MIB1: variants seen among roughly 807,000 people sequenced by gnomAD.
The protein encoded by MIB1 is E3 ubiquitin-protein ligase MIB1.
In MIB1, 278 loss-of-function variants were observed where a neutral mutation model predicts 124.5. That is an observed-to-expected ratio of 2.23 (90% CI 2.02 to 2.47). The LOEUF is 2.47. Ranked by LOEUF, MIB1 falls within the 30% of genes most tolerant of loss-of-function variation. The pLI, the probability that MIB1 is intolerant of heterozygous loss-of-function variation, is 0.00. For missense variants in MIB1, 957 were observed against 1,254.4 expected, an observed-to-expected ratio of 0.76 and a Z score of 3.58; for synonymous variants, 446 against 429.4, an observed-to-expected ratio of 1.04 and a Z score of -0.48.
At chr18:21,855,806 AC>A (rs2042221038) in intron 18 of MIB1, among the ~76,000 whole-genome samples, 2 of 152,242 alleles carry the variant, frequency 1.3e-5, no homozygotes, top group African/African-American at 4.8e-5. Context: ...TTTGAAATGA[AC>A]AAGACACTTG....
rs542785033 is a variant in MIB1, at chr18:21,733,245, G to T, written n.167+28122G>T. ...TTGGCACCCATTCAGTAGAGAGTTT[G>T]CTTGATTTTAATTTTTCAGTGGAAT... On this transcript the variant is annotated intron_variant and non_coding_transcript_variant, in intron 1 of 20. Transcript: ENST00000578646. Among the ~76,000 whole-genome samples, 5 of 152,274 alleles carry T rather than the reference G, an allele frequency of 3.3e-5. No homozygotes were observed. In the East Asian group the frequency reaches 9.6e-4, roughly 29 times the overall value.
rs2040850337 is a variant in MIB1 at position 21,741,514 on chromosome 18, C to T, written c.-70C>T. 3 of 1,197,560 alleles carry T rather than the reference C, an allele frequency of 2.5e-6. No individual in the cohort carries two copies. Among genetic ancestry groups the T allele is most frequent in the Non-Finnish European group, 3.2e-6 (3 of 938,054 alleles). 74.2% of individuals were successfully genotyped at this position (1,197,560 alleles called of 1,614,324 possible). On this transcript the variant is annotated 5_prime_UTR_variant, in exon 1 of 21. Transcript: ENST00000261537. This position sits in a 1 kb window ranked among gnomAD's most constrained non-coding sequence, Gnocchi z 5.4. ...CTAGAGTCCGGCCCGGGCCCAACTCCCTCACGGGCCCCCCGGCGGCAGCGG... is the reference window on the plus strand; with the variant it reads ...CTAGAGTCCGGCCCGGGCCCAACTCTCTCACGGGCCCCCCGGCGGCAGCGG...
intron 6 of MIB1, among the ~76,000 whole-genome samples, chr18:21,785,431 T>C (rs189355045): frequency 6.6e-6 from 1 of 152,324 alleles, no homozygotes; most frequent in African/African-American, 2.4e-5. Flanking sequence ...ATTATAGATA[T>C]AACAAGTTAT....
chr18:21,821,385 T>G (rs931591805), intron 12 of MIB1, among the ~76,000 whole-genome samples: 7 of 152,240 alleles, frequency 4.6e-5, no homozygotes, highest in Admixed American at 3.9e-4. Flanking sequence ...GCTAATCCAA[T>G]CCCTCAGCCC....
chr18:21,819,033 T>C (rs960770712), intron 11 of MIB1, among the ~76,000 whole-genome samples: 1 of 152,146 alleles, frequency 6.6e-6, no homozygotes, highest in African/African-American at 2.4e-5. Context: ...TTCTTGCCTG[T>C]ATTTTTGTTT....
intron 12 of MIB1, among the ~76,000 whole-genome samples, chr18:21,821,632 T>C (rs1164232753): frequency 2.0e-5 from 3 of 150,994 alleles, no homozygotes; most frequent in Non-Finnish European, 4.4e-5. Flanking sequence ...AGAGTCTTGC[T>C]CTGTCACCCA....
At chr18:21,772,012 T>A (rs1598602643) in intron 3 of MIB1, among the ~76,000 whole-genome samples, 1 of 152,140 alleles carries the variant, frequency 6.6e-6, no homozygotes, top group South Asian at 2.1e-4. Flanking sequence ...ACATATGCTG[T>A]ATTTTATAAT....
At chr18:21,839,098 C>A (rs1293480083) in intron 13 of MIB1, among the ~76,000 whole-genome samples, 1 of 152,080 alleles carries the variant, frequency 6.6e-6, no homozygotes, top group Non-Finnish European at 1.5e-5. Context: ...AAGCATAAAC[C>A]ATATAGATGC....
chr18:21,767,672 C>T (rs1202300656), intron 2 of MIB1, among the ~76,000 whole-genome samples: 1 of 152,034 alleles, frequency 6.6e-6, no homozygotes, highest in African/African-American at 2.4e-5. Context: ...CTCAGCCTCC[C>T]GAGTAGCTGG....
chr18:21,789,979 C>T (rs2041483556), intron 6 of MIB1, among the ~76,000 whole-genome samples: 1 of 152,114 alleles, frequency 6.6e-6, no homozygotes, highest in East Asian at 1.9e-4. Context: ...TGTGGTACAT[C>T]TATTTGATGG....
chr18:21,811,527 C>G (rs1016543038), intron 10 of MIB1, among the ~76,000 whole-genome samples: 8 of 152,028 alleles, frequency 5.3e-5, no homozygotes, highest in Non-Finnish European at 1.0e-4. Context: ...AATGGTAGAT[C>G]ATTAAACTTA....
chr18:21,816,162 A>G (rs1381968625), intron 11 of MIB1, among the ~76,000 whole-genome samples: 2 of 152,186 alleles, frequency 1.3e-5, no homozygotes, highest in Non-Finnish European at 2.9e-5. Context: ...ATAACTATTT[A>G]AATTATTTTA....
chr18:21,811,757 G>C (rs750199310), intron 10 of MIB1, among the ~76,000 whole-genome samples: 2 of 152,226 alleles, frequency 1.3e-5, no homozygotes, highest in Non-Finnish European at 2.9e-5. Flanking sequence ...AATGGGTATA[G>C]AGTTTCACTT....
chr18:21,773,648 G>A lies in MIB1; in HGVS notation c.556G>A (p.Ala186Thr). ...GKVTEIQDWS[A>T]SSPHSAAYVL... is the part of the protein sequence containing the mutation. ...GGTAACAGAAATCCAGGACTGGAGTGCATCAAGCCCACATAGCGCAGCATA... is the reference window on the plus strand; with the variant it reads ...GGTAACAGAAATCCAGGACTGGAGTACATCAAGCCCACATAGCGCAGCATA... The change falls in exon 4 of 21, where the codon GCA becomes ACA. Residue 186 changes from alanine to threonine, a missense_variant. Transcript: ENST00000261537. 1 of 1,609,734 alleles carries A rather than the reference G, an allele frequency of 6.2e-7. No individual in the cohort carries two copies. The highest frequency in any genetic ancestry group is 1.1e-5 in the South Asian group (1 of 89,976).
intron 11 of MIB1, chr18:21,817,783 A>C: frequency 2.8e-6 from 1 of 362,150 alleles, no homozygotes; most frequent in Non-Finnish European, 5.5e-6. Flanking sequence ...GCTTCTCAGA[A>C]TCCTGTGGAC....
chr18:21,812,022 C>T (rs1411237904), intron 10 of MIB1, among the ~76,000 whole-genome samples: 3 of 152,046 alleles, frequency 2.0e-5, no homozygotes, highest in Non-Finnish European at 4.4e-5. Flanking sequence ...ACAGTCATAG[C>T]CCCCAAGAAG....
rs867916579 is a variant in MIB1 at position 21,805,002 on chromosome 18, G to A, written c.1479+988G>A. Among the ~76,000 whole-genome samples the A allele has an allele frequency of 7.9e-5, 12 of 152,080 alleles. No individual in the cohort carries two copies. In the South Asian group the frequency reaches 1.9e-3, roughly 24 times the overall value. ...ATTTTCTGCTGCCTAGAAATAACTT[G>A]AAATTAATTAATTAATTAATTAATT... On this transcript the variant is annotated intron_variant, in intron 10 of 20. Coordinates refer to ENST00000261537, the MANE Select transcript of MIB1 (RefSeq NM_020774.4).
At chr18:21,839,333 G>C (rs2042061474) in intron 13 of MIB1, among the ~76,000 whole-genome samples, 1 of 152,068 alleles carries the variant, frequency 6.6e-6, no homozygotes, top group Non-Finnish European at 1.5e-5. Context: ...ACTGCTCTCT[G>C]TTAATTATGA....
At position 21,798,078 on chromosome 18, in the gene MIB1, C is replaced by T; in HGVS notation, c.1093-6C>T. 6.2e-7 allele frequency: 1 copy of T among 1,609,194 alleles called. No individual in the cohort carries two copies. The highest frequency in any genetic ancestry group is 8.5e-7 in the Non-Finnish European group (1 of 1,177,558). On this transcript the variant is annotated splice_polypyrimidine_tract_variant and splice_region_variant and intron_variant, in intron 7 of 20. Transcript: ENST00000261537. ...TTGGAAACATGAATCTATTTTTTTC[C>T]CCAAGACTTTAGGTAAAGTTGGCCG...
Sources: allele counts gnomAD v4.1 joint callset (sites outside exome capture counted in the v4.1 genomes callset), GRCh38; gene constraint gnomAD v4.1.1; non-coding constraint Gnocchi (gnomAD v3.1); transcripts MANE v1.5; gene names NCBI Gene and HGNC (gene_info 2026-07-23, HGNC 2026-07-21).